PTPRD: variants seen among roughly 807,000 people sequenced by gnomAD.
PTPRD encodes the protein receptor-type tyrosine-protein phosphatase delta.
Under a neutral mutation model 214.5 loss-of-function variants are expected in PTPRD, and 34 were observed. The ratio of observed to expected loss-of-function variants is 0.16; its 90% CI spans 0.12 to 0.21. The LOEUF is 0.21. Ranked by LOEUF, PTPRD falls within the 10% of genes least tolerant of loss-of-function variation. The pLI, the probability that PTPRD is intolerant of heterozygous loss-of-function variation, is 1.00. For synonymous variants in PTPRD, 1,128 were observed against 845.7 expected (o/e 1.33, Z -5.79); for missense variants, 2,545 against 2,398.7 (o/e 1.06, Z -1.27).
intron 3 of PTPRD, among the ~76,000 whole-genome samples, chr9:10,206,459 A>G (rs528887868): frequency 6.6e-6 from 1 of 152,324 alleles, no homozygotes; most frequent in Admixed American, 6.5e-5. Context: ...CTATTGAAAC[A>G]GTCCTCATGA....
At chr9:8,396,899 A>G (rs1377786929) in intron 36 of PTPRD, among the ~76,000 whole-genome samples, 1 of 152,172 alleles carries the variant, frequency 6.6e-6, no homozygotes, top group African/African-American at 2.4e-5. Flanking sequence ...AAATTTGTCT[A>G]TTCACTGCTA....
At chr9:8,951,416 C>G (rs1314691637) in intron 11 of PTPRD, among the ~76,000 whole-genome samples, 2 of 147,856 alleles carry the variant, frequency 1.4e-5, no homozygotes, top group African/African-American at 5.0e-5. Flanking sequence ...TGTAGGTTAT[C>G]TAATTGAAGC....
intron 39 of PTPRD, among the ~76,000 whole-genome samples, chr9:8,362,097 G>A (rs1456933439): frequency 6.6e-6 from 1 of 152,172 alleles, no homozygotes; most frequent in African/African-American, 2.4e-5. Flanking sequence ...CAGTATGCAG[G>A]CCACAAAGCT....
At chr9:9,289,784 C>T (rs948959194) in intron 9 of PTPRD, among the ~76,000 whole-genome samples, 3 of 151,726 alleles carry the variant, frequency 2.0e-5, no homozygotes, top group South Asian at 2.1e-4. Flanking sequence ...TCACAAATGG[C>T]AGGATTTACT....
chr9:9,657,866 G>A (rs2096550495), intron 7 of PTPRD, among the ~76,000 whole-genome samples: 2 of 152,152 alleles, frequency 1.3e-5, no homozygotes, highest in Admixed American at 1.3e-4. Flanking sequence ...GTACCTAGTT[G>A]AGGAGTGCAA....
At chr9:10,115,977 T>A (rs561073562) in intron 3 of PTPRD, among the ~76,000 whole-genome samples, 1 of 152,028 alleles carries the variant, frequency 6.6e-6, no homozygotes, top group African/African-American at 2.4e-5. Flanking sequence ...TAATTTAAGA[T>A]AGAAAAAAAG....
In PTPRD at chr9:8,376,732, A is replaced by G. The variant is rs141140557; in HGVS notation, c.4387-6T>C. 3.7e-6 allele frequency: 6 copies of G among 1,612,690 alleles called. No homozygotes were observed. The East Asian group carries it at 1.3e-4, about 36-fold the overall frequency. ...CAATACTGGTCACACTTCACCTACA[A>G]GAAACAAGTGACACATTCAGGGCAA... On this transcript the variant is annotated splice_region_variant and splice_polypyrimidine_tract_variant and intron_variant, in intron 37 of 45. Coordinates refer to ENST00000381196, the MANE Select transcript of PTPRD (RefSeq NM_002839.4).
At chr9:9,228,172 T>A (rs1410519484) in intron 9 of PTPRD, among the ~76,000 whole-genome samples, 1 of 152,136 alleles carries the variant, frequency 6.6e-6, no homozygotes, top group East Asian at 1.9e-4. Context: ...TTATATTAAA[T>A]AATTGCTACT....
At chr9:10,178,872 T>A (rs958208323) in intron 3 of PTPRD, among the ~76,000 whole-genome samples, 2 of 151,838 alleles carry the variant, frequency 1.3e-5, no homozygotes, top group Non-Finnish European at 2.9e-5. Context: ...AATGTCCCGG[T>A]TGAAACTACA....
intron 11 of PTPRD, chr9:8,860,422 C>G (rs2154545555): frequency 6.6e-6 from 1 of 152,346 alleles, no homozygotes; most frequent in South Asian, 2.1e-4. Flanking sequence ...GTTCTTGTCT[C>G]TACTACAACC....
chr9:8,318,830 A>G (rs528013661), intron 45 of PTPRD, among the ~76,000 whole-genome samples: 2 of 152,238 alleles, frequency 1.3e-5, no homozygotes, highest in East Asian at 1.9e-4. Context: ...ATCACAATTT[A>G]CAGCTCTCTA....
At position 9,212,644 on chromosome 9, in the gene PTPRD, G is replaced by A. The variant is rs1486198687; in HGVS notation, c.-202-29281C>T. ...AGGAGCAAGAAACCCGGCATGTTGA[G>A]ATAGAAGTATTTTGCACATACAGCC... On this transcript the variant is annotated intron_variant, in intron 9 of 45. Transcript: ENST00000381196. Among the ~76,000 whole-genome samples the A allele has an allele frequency of 2.6e-5, 4 of 152,168 alleles. No individual in the cohort carries two copies. In the East Asian group the frequency reaches 5.8e-4, roughly 22 times the overall value.
At chr9:8,636,633 A>G (rs969101079) in intron 13 of PTPRD, 66 bp downstream of exon 13, 2 of 1,565,150 alleles carry the variant, frequency 1.3e-6, no homozygotes, top group African/African-American at 2.7e-5. Context: ...CAAGCAAGTA[A>G]CGTAGAAACC....
intron 3 of PTPRD, among the ~76,000 whole-genome samples, chr9:10,259,613 T>C (rs1197816500): frequency 2.0e-5 from 3 of 152,164 alleles, no homozygotes; most frequent in African/African-American, 7.2e-5. Context: ...TTCAATCGAT[T>C]AATTCACACA....
chr9:9,950,060 C>T (rs1357376060), intron 4 of PTPRD, among the ~76,000 whole-genome samples: 1 of 152,170 alleles, frequency 6.6e-6, no homozygotes, highest in Non-Finnish European at 1.5e-5. Context: ...CATAGTCCAG[C>T]CCATAGATAT....
chr9:9,942,926 A>G (rs1669113143), intron 4 of PTPRD, among the ~76,000 whole-genome samples: 1 of 150,392 alleles, frequency 6.6e-6, no homozygotes. Flanking sequence ...TTTTGTCCCA[A>G]GCTTTTCTTG....
intron 4 of PTPRD, among the ~76,000 whole-genome samples, chr9:9,961,531 A>G (rs540534959): frequency 1.3e-5 from 2 of 152,282 alleles, no homozygotes; most frequent in African/African-American, 4.8e-5. Flanking sequence ...CGTTAAATGG[A>G]GCTGGCTATA....
chr9:9,918,783 C>T (rs141794743), intron 5 of PTPRD, among the ~76,000 whole-genome samples: 14 of 151,998 alleles, frequency 9.2e-5, no homozygotes, highest in African/African-American at 1.7e-4. Flanking sequence ...GCATGGGTAT[C>T]GAGAATATTC....
In PTPRD at chr9:8,562,462, G is replaced by T. The variant is rs150892482; in HGVS notation, c.353-33683C>A. Among the ~76,000 whole-genome samples the T allele has an allele frequency of 1.5e-3, 227 of 151,586 alleles. 9 individuals are homozygous for T. The East Asian group carries it at 0.037, about 25-fold the overall frequency. On this transcript the variant is annotated intron_variant, in intron 14 of 45. Coordinates refer to ENST00000381196, the MANE Select transcript of PTPRD (RefSeq NM_002839.4). ...ATTTTATTTTATTTTTTTGAGACAA[G>T]GTCTCATTTTGTCATGCAGGCTGGT...
Sources: gnomAD v4.1 joint callset for allele counts (sites outside exome capture counted in the v4.1 genomes callset) on GRCh38, gnomAD v4.1.1 for gene constraint, MANE v1.5 for transcripts, NCBI Gene and HGNC (gene_info 2026-07-23, HGNC 2026-07-21) for gene names.